ASIC2: variants seen among roughly 807,000 people sequenced by gnomAD.
ASIC2 encodes acid sensing ion channel subunit 2.
ASIC2 carries 25 observed loss-of-function variants against 57.3 expected under a neutral mutation model. That is an observed-to-expected ratio of 0.44 (90% confidence interval 0.32 to 0.61). The LOEUF (loss-of-function observed/expected upper bound fraction) is 0.61. ASIC2 is among the 20% of genes least tolerant of loss of function. The probability of loss-of-function intolerance (pLI) is 0.06; values close to 1 mark genes in which losing one functional copy is unlikely to be tolerated. For missense variants in ASIC2, 641 were observed against 738.1 expected, an observed-to-expected ratio of 0.87 and a Z score of 1.52; for synonymous variants, 319 against 307.5, an observed-to-expected ratio of 1.04 and a Z score of -0.39.
chr17:33,215,005 A>G (rs1241289500), intron 1 of ASIC2, among the ~76,000 whole-genome samples: 1 of 152,220 alleles, frequency 6.6e-6, no homozygotes. Flanking sequence ...CACTTTCTCT[A>G]CTAAGAGGCT....
chr17:33,044,475 C>T (rs4794935), intron 3 of ASIC2, among the ~76,000 whole-genome samples: 27 of 152,132 alleles, frequency 1.8e-4, no homozygotes, highest in African/African-American at 6.3e-4. Flanking sequence ...TGGCTTCAAG[C>T]GATTCTCCTG....
intron 1 of ASIC2, among the ~76,000 whole-genome samples, chr17:34,056,628 A>C (rs1597997815): frequency 6.6e-6 from 1 of 152,200 alleles, no homozygotes; most frequent in Non-Finnish European, 1.5e-5. Context: ...TTGCTGTGGA[A>C]TAACTAACTA....
At chr17:33,823,145 G>A (rs1296789942) in intron 1 of ASIC2, among the ~76,000 whole-genome samples, 1 of 152,130 alleles carries the variant, frequency 6.6e-6, no homozygotes, top group East Asian at 1.9e-4. Flanking sequence ...TTCAGTAGTG[G>A]GGGCTTTATG....
At chr17:33,897,025 A>G (rs755191463) in intron 1 of ASIC2, among the ~76,000 whole-genome samples, 7 of 152,198 alleles carry the variant, frequency 4.6e-5, no homozygotes, top group Non-Finnish European at 1.0e-4. Flanking sequence ...GGGGGCTTCA[A>G]GATTATAAAG....
intron 1 of ASIC2, among the ~76,000 whole-genome samples, chr17:33,562,065 A>C (rs912727533): frequency 2.0e-5 from 3 of 152,226 alleles, no homozygotes; most frequent in Admixed American, 1.3e-4. Context: ...GCAGGGAATC[A>C]GTCAGTGGCA....
intron 1 of ASIC2, among the ~76,000 whole-genome samples, chr17:33,438,704 T>C (rs1208195282): frequency 6.6e-6 from 1 of 152,122 alleles, no homozygotes; most frequent in Non-Finnish European, 1.5e-5. Flanking sequence ...CTATAAAAGC[T>C]GAACAGGACA....
chr17:34,095,741 T>TTATA (rs572766808), intron 1 of ASIC2, among the ~76,000 whole-genome samples: 9 of 142,684 alleles, frequency 6.3e-5, no homozygotes, highest in African/African-American at 1.3e-4. Context: ...ATATATAATT[T>TTATA]TATATATATA....
chr17:33,939,730 C>G (rs1916143678), intron 1 of ASIC2, among the ~76,000 whole-genome samples: 1 of 152,206 alleles, frequency 6.6e-6, no homozygotes, highest in Non-Finnish European at 1.5e-5. Flanking sequence ...ACCGCTGTGG[C>G]AACAAGGTGT....
chr17:33,398,846 A>T, intron 1 of ASIC2, among the ~76,000 whole-genome samples: 1 of 152,174 alleles, frequency 6.6e-6, no homozygotes, highest in Non-Finnish European at 1.5e-5. Context: ...ATGGCAACTC[A>T]AGTCTTATTG....
chr17:33,710,365 A>G (rs1370835953), intron 1 of ASIC2, among the ~76,000 whole-genome samples: 1 of 152,230 alleles, frequency 6.6e-6, no homozygotes, highest in African/African-American at 2.4e-5. Context: ...GAAAAATAAG[A>G]CAAAAGCCAA....
At chr17:33,548,481 A>T (rs1256978936) in intron 1 of ASIC2, among the ~76,000 whole-genome samples, 1 of 152,086 alleles carries the variant, frequency 6.6e-6, no homozygotes, top group Admixed American at 6.5e-5. Flanking sequence ...ATTCTAGAAA[A>T]CTAGATTGGA....
At chr17:33,631,455 G>A (rs1407179349) in intron 1 of ASIC2, among the ~76,000 whole-genome samples, 1 of 151,984 alleles carries the variant, frequency 6.6e-6, no homozygotes, top group African/African-American at 2.4e-5. Flanking sequence ...GACATTATGG[G>A]CTTTGGAGAG....
chr17:33,021,759 C>T (rs1030698424), intron 6 of ASIC2, among the ~76,000 whole-genome samples: 1 of 152,242 alleles, frequency 6.6e-6, no homozygotes, highest in African/African-American at 2.4e-5. Context: ...TTATAACAAG[C>T]TCCTCCTGTT....
chr17:33,054,421 G>C (rs983524682), intron 3 of ASIC2, among the ~76,000 whole-genome samples: 7 of 152,166 alleles, frequency 4.6e-5, no homozygotes, highest in Non-Finnish European at 8.8e-5. Flanking sequence ...GCAAGTGATA[G>C]TCCTTGATGG....
chr17:33,707,108 T>C (rs1908886742), intron 1 of ASIC2, among the ~76,000 whole-genome samples: 1 of 152,220 alleles, frequency 6.6e-6, no homozygotes, highest in Non-Finnish European at 1.5e-5. Context: ...CTTCTGATAG[T>C]GCTATTGATA....
chr17:33,946,887 G>A lies in ASIC2; in HGVS notation c.555+209091C>T, dbSNP rs1010323178. On this transcript the variant is annotated intron_variant, in intron 1 of 9. Transcript: ENST00000359872. ...TTGGGGAGCTCCCAGAAGGATGCAG[G>A]AGGATGTTAGTCTGGCAGTTTGGGG... is the stretch of plus-strand genomic sequence containing the variant. 1.2e-4 allele frequency among the ~76,000 whole-genome samples: 18 copies of A among 152,284 alleles called. 2 individuals are homozygous for A. The South Asian group carries it at 3.7e-3, about 32-fold the overall frequency.
chr17:33,658,935 G>A (rs966563748), intron 1 of ASIC2, among the ~76,000 whole-genome samples: 2 of 152,088 alleles, frequency 1.3e-5, no homozygotes, highest in African/African-American at 2.4e-5. Context: ...CCTGGGAGGC[G>A]GAGGTTGCAG....
chr17:33,345,074 T>C (rs1193827911), intron 1 of ASIC2, among the ~76,000 whole-genome samples: 1 of 152,172 alleles, frequency 6.6e-6, no homozygotes, highest in Non-Finnish European at 1.5e-5. Context: ...TGTTTCCAGA[T>C]AGAGGTCTTG....
intron 1 of ASIC2, among the ~76,000 whole-genome samples, chr17:33,194,241 T>C (rs1413472640): frequency 6.6e-6 from 1 of 152,214 alleles, no homozygotes. Flanking sequence ...AGCTCCTTGT[T>C]TTTCAAGGCT....
Sources: gnomAD v4.1 joint callset for allele counts (sites outside exome capture counted in the v4.1 genomes callset) on GRCh38, gnomAD v4.1.1 for gene constraint, MANE v1.5 for transcripts, NCBI Gene and HGNC (gene_info 2026-07-23, HGNC 2026-07-21) for gene names.